C3orf18: variants seen among roughly 807,000 people sequenced by gnomAD.
C3orf18 encodes the protein uncharacterized protein C3orf18.
A neutral mutation model predicts 14.1 loss-of-function variants in C3orf18; 12 were observed. The observed-to-expected ratio is 0.85, with a 90% CI of 0.55 to 1.38. The LOEUF (loss-of-function observed/expected upper bound fraction) is 1.38, where lower values mean the gene tolerates loss of function less well. Ranked by LOEUF, C3orf18 falls within the 40% of genes most tolerant of loss-of-function variation. The pLI is 0.00. For synonymous variants in C3orf18, 82 were observed against 87.9 expected (o/e 0.93, Z 0.38); for missense variants, 196 against 213.9 (o/e 0.92, Z 0.52).
chr3:50,559,617 G>A lies in C3orf18; in HGVS notation c.*40C>T. ...GAGTGGGGAGCTCTGTAGGCACCGT[G>A]ATGGGTCTCTATCAGAAGTCCAGGC... On this transcript the variant is annotated 3_prime_UTR_variant, in exon 6 of 6. Transcript: ENST00000357203. 1 of 1,514,630 alleles carries A rather than the reference G, an allele frequency of 6.6e-7. No individual in the cohort carries two copies. The highest frequency in any genetic ancestry group is 8.9e-7 in the Non-Finnish European group (1 of 1,125,548). 93.8% of individuals were successfully genotyped at this position (1,514,630 alleles called of 1,614,324 possible).
At position 50,559,100 on chromosome 3, in the gene C3orf18, T is replaced by C; in HGVS notation, c.*557A>G. On this transcript the variant is annotated 3_prime_UTR_variant, in exon 6 of 6. Transcript: ENST00000357203. ...AGTATGGATGGACCCTGGGTGTGAA[T>C]TGCCCTTCTCCTGGCATCCTTGCAT... 1 of 1,289,772 alleles carries C rather than the reference T, an allele frequency of 7.8e-7. No homozygotes were observed. Among genetic ancestry groups the C allele is most frequent in the East Asian group, 5.6e-5 (1 of 18,008 alleles). The allele number at this position is 1,289,772 out of a possible 1,614,324, so 79.9% of individuals were successfully genotyped here.
chr3:50,567,961 A>G (rs927161957), upstream of C3orf18, among the ~76,000 whole-genome samples: 9 of 152,254 alleles, frequency 5.9e-5, no homozygotes, highest in Admixed American at 5.9e-4. Flanking sequence ...CTTCCGGGCC[A>G]GAACTCGGGA....
intron 3 of C3orf18, chr3:50,561,956 G>C: frequency 1.6e-6 from 1 of 619,652 alleles, no homozygotes; most frequent in South Asian, 1.9e-5. Context: ...CTGGAGTGCA[G>C]TGGCACAATC....
upstream of C3orf18, among the ~76,000 whole-genome samples, chr3:50,568,128 G>A (rs1700481729): frequency 6.6e-6 from 1 of 152,220 alleles, no homozygotes; most frequent in East Asian, 1.9e-4. Flanking sequence ...TTCCCTTCCT[G>A]AACCTTGGCT....
At chr3:50,561,644 C>T in intron 4 of C3orf18, 78 bp downstream of exon 4, 1 of 1,430,848 alleles carries the variant, frequency 7.0e-7, no homozygotes, top group Non-Finnish European at 9.8e-7. Flanking sequence ...GCTTTTCACC[C>T]ACTTCCTTCG....
At position 50,559,697 on chromosome 3, in the gene C3orf18, C is replaced by T. The variant is rs34095391; in HGVS notation, c.449G>A (p.Arg150Gln). 2.4e-5 allele frequency: 38 copies of T among 1,596,212 alleles called. No individual in the cohort carries two copies. The highest frequency in any genetic ancestry group is 2.3e-4 in the South Asian group (20 of 87,762). Residue 150 changes from arginine to glutamine, a missense_variant, in exon 6 of 6, where the codon CGG becomes CAG. By Grantham distance (43) the Arg-to-Gln change is conservative. Coordinates refer to ENST00000357203, the MANE Select transcript of C3orf18 (RefSeq NM_016210.5). Reference protein sequence around the residue: ...PSQGPLQRPSRLVFTDVANAI... With the variant: ...PSQGPLQRPSQLVFTDVANAI... The stretch of plus-strand genomic sequence containing the variant: ...ATTGGCCACATCGGTAAACACCAGC[C>T]GGCTGGGTCTCTGCAGTGGGCCCTG...
In C3orf18 at chr3:50,558,779, G is replaced by C; in HGVS notation, c.*878C>G. 1.6e-6 allele frequency: 2 copies of C among 1,289,840 alleles called. No homozygotes were observed. Among genetic ancestry groups the C allele is most frequent in the Non-Finnish European group, 1.0e-6 (1 of 988,866 alleles). 79.9% of individuals were successfully genotyped at this position (1,289,840 alleles called of 1,614,324 possible). A position where few individuals can be genotyped will look rare whatever the true frequency, so the allele number is the denominator to read the frequency against. On this transcript the variant is annotated 3_prime_UTR_variant, in exon 6 of 6. Coordinates refer to ENST00000357203, the MANE Select transcript of C3orf18 (RefSeq NM_016210.5). ...CTCTTCCCTGCAGTCCCTGAAGATT[G>C]AAGGCAGAGAAGATAGCCTACCCTG...
upstream of C3orf18, chr3:50,572,185 T>C (rs1411273613): frequency 2.5e-6 from 4 of 1,613,814 alleles, no homozygotes. Flanking sequence ...GCCCCCAGTG[T>C]TTATTCCTCG....
intron 4 of C3orf18, 105 bp downstream of exon 4, chr3:50,561,617 C>T (rs1699972977): frequency 2.6e-6 from 3 of 1,140,590 alleles, no homozygotes; most frequent in African/African-American, 1.5e-5. Context: ...GCAGGACAGG[C>T]CTTGACTCCC....
intron 1 of C3orf18, among the ~76,000 whole-genome samples, chr3:50,566,861 G>GGGGGTC (rs980227515): frequency 6.6e-6 from 1 of 152,316 alleles, no homozygotes; most frequent in East Asian, 1.9e-4. Flanking sequence ...GAGGGCCCTG[G>GGGGGTC]TTAAGGTGGG....
Position 50,565,571 on chromosome 3 carries a change from G to A in C3orf18, c.129C>T (p.Thr43=), listed in dbSNP as rs777293042. 3.1e-6 allele frequency: 5 copies of A among 1,614,016 alleles called. No homozygotes were observed. In the South Asian group the frequency reaches 5.5e-5, roughly 18 times the overall value. The stretch of plus-strand genomic sequence containing the variant: ...CATCAGGGATTCTGGTGTCATTAAA[G>A]GTGGTGGCCTCTGGGCTGAGGGTAG... The part of the protein sequence containing the change: ...ETTTLSPEAT[T]FNDTRIPDAA... Residue 43 remains threonine, a synonymous_variant, in exon 3 of 6, where the codon ACC becomes ACT. Transcript: ENST00000357203. This position sits in a 1 kb window ranked among gnomAD's most constrained non-coding sequence, Gnocchi z 4.4.
chr3:50,564,307 C>G (rs1004850341), intron 3 of C3orf18, among the ~76,000 whole-genome samples: 6 of 152,368 alleles, frequency 3.9e-5, no homozygotes, highest in Middle Eastern at 3.4e-3. Context: ...CAGTGACATT[C>G]TGAGTGTCCA....
At chr3:50,572,105 C>T (rs767761126), upstream of C3orf18, 1 of 1,613,804 alleles carries the variant, frequency 6.2e-7, no homozygotes, top group Non-Finnish European at 8.5e-7. Context: ...CCCAGCTGCC[C>T]CCTCTGCAGG....
At chr3:50,574,561 G>C (rs539592392), upstream of C3orf18, among the ~76,000 whole-genome samples, 5 of 152,274 alleles carry the variant, frequency 3.3e-5, no homozygotes, top group South Asian at 1.0e-3. Flanking sequence ...AGCCAGAGTA[G>C]GTCTGTCTAT....
At chr3:50,571,317 C>T (rs770661737), upstream of C3orf18, 3 of 1,594,102 alleles carry the variant, frequency 1.9e-6, no homozygotes, top group South Asian at 2.3e-5. Flanking sequence ...TGGCTCATGT[C>T]CTTGGAGCCA....
rs1047998453 is a variant in C3orf18 at position 50,562,575 on chromosome 3, C to T, written c.235-828G>A. The T allele has an allele frequency of 5.5e-5, 25 of 455,998 alleles. 1 individual carries two copies. The highest frequency in any genetic ancestry group is 5.4e-4 in the Admixed American group (23 of 42,550). 28.2% of individuals were successfully genotyped at this position (455,998 alleles called of 1,614,324 possible). On this transcript the variant is annotated intron_variant, in intron 3 of 5. Transcript: ENST00000357203. ...GTTCAAGTCCAGCCTGGGCAACATACTGACACCCCGTCTCTACAACATGTA... is the reference window on the plus strand; with the variant it reads ...GTTCAAGTCCAGCCTGGGCAACATATTGACACCCCGTCTCTACAACATGTA...
chr3:50,570,979 A>G (rs1036494324), upstream of C3orf18: 10 of 653,134 alleles, frequency 1.5e-5, no homozygotes, highest in Non-Finnish European at 2.0e-5. Context: ...GGGGCACCAG[A>G]GCTTGTGACC....
At chr3:50,567,061 G>C (rs956211145) in intron 1 of C3orf18, among the ~76,000 whole-genome samples, 2 of 152,188 alleles carry the variant, frequency 1.3e-5, no homozygotes, top group Non-Finnish European at 2.9e-5. Context: ...GGCAAGGCTG[G>C]CAGAGGGTTA....
upstream of C3orf18, chr3:50,571,719 C>T (rs749090932): frequency 1.2e-6 from 2 of 1,614,090 alleles, no homozygotes; most frequent in South Asian, 1.1e-5. Flanking sequence ...GTTTCAGAGC[C>T]TGAGGCCGGC....
Sources: allele counts gnomAD v4.1 joint callset (sites outside exome capture counted in the v4.1 genomes callset), GRCh38; gene constraint gnomAD v4.1.1; non-coding constraint Gnocchi (gnomAD v3.1); transcripts MANE v1.5; gene names NCBI Gene and HGNC (gene_info 2026-07-23, HGNC 2026-07-21).